HEATR4: variants seen among roughly 807,000 people sequenced by gnomAD.
The protein encoded by HEATR4 is HEAT repeat containing 4.
A neutral mutation model predicts 108.8 loss-of-function variants in HEATR4; 95 were observed. That is an observed-to-expected ratio of 0.87 (90% CI 0.74 to 1.04). The LOEUF is 1.04. Among genes scored for constraint, HEATR4 ranks in the 50% least tolerant of loss-of-function variants. The pLI is 0.00. For synonymous variants in HEATR4, 443 were observed against 459.4 expected, an observed-to-expected ratio of 0.96 and a Z score of 0.46; for missense variants, 1,152 against 1,253.8, an observed-to-expected ratio of 0.92 and a Z score of 1.23.
At chr14:73,593,921 T>G in the HEATR4 span, 1 of 1,593,024 alleles carries the variant, frequency 6.3e-7, no homozygotes, top group Non-Finnish European at 8.6e-7. Flanking sequence ...CTCATGTCCT[T>G]TATTTAATCA....
chr14:73,498,437 C>G, intron 13 of HEATR4, 93 bp from the exon 14 acceptor site: 1 of 1,100,886 alleles, frequency 9.1e-7, no homozygotes, highest in Non-Finnish European at 1.3e-6. Context: ...CAATACCTTC[C>G]CTTTTGGATG....
chr14:73,484,798 A>G (rs371802179), intron 17 of HEATR4, among the ~76,000 whole-genome samples: 50 of 151,952 alleles, frequency 3.3e-4, no homozygotes, highest in African/African-American at 1.2e-3. Flanking sequence ...CCAGATATTC[A>G]ACTATGCAGG....
At chr14:73,491,163 G>C in intron 17 of HEATR4, 4 of 1,603,704 alleles carry the variant, frequency 2.5e-6, no homozygotes, top group Non-Finnish European at 3.4e-6. Flanking sequence ...GTTGTATCCC[G>C]CATGGCAGCG....
At chr14:73,596,188 A>G in the HEATR4 span, 2 of 152,366 alleles carry the variant, frequency 1.3e-5, no homozygotes, top group Non-Finnish European at 2.9e-5. Flanking sequence ...ACTACGATCT[A>G]TTTTCCCTCT....
At chr14:73,586,059 T>G in the HEATR4 span, among the ~76,000 whole-genome samples, 1 of 150,902 alleles carries the variant, frequency 6.6e-6, no homozygotes, top group Middle Eastern at 3.2e-3. Context: ...ACCAGTATGA[T>G]TTCTTTTCTT....
At chr14:73,590,566 G>C in the HEATR4 span, among the ~76,000 whole-genome samples, 5 of 152,352 alleles carry the variant, frequency 3.3e-5, no homozygotes, top group East Asian at 9.7e-4. Context: ...CCGCGCAGAA[G>C]CTCACGGCGG....
chr14:73,513,497 G>C (rs548732202), intron 6 of HEATR4, among the ~76,000 whole-genome samples: 5 of 151,402 alleles, frequency 3.3e-5, no homozygotes, highest in Non-Finnish European at 7.4e-5. Flanking sequence ...TGGCCAAGGC[G>C]GGCAGATCAC....
chr14:73,509,510 C>G (rs779582316), intron 7 of HEATR4, 37 bp from the exon 8 acceptor site: 2 of 1,605,342 alleles, frequency 1.2e-6, no homozygotes, highest in African/African-American at 2.7e-5. Context: ...AGTACTAGCC[C>G]CTTTGCTTTT....
chr14:73,527,987 G>A (rs1425544121), intron 2 of HEATR4, among the ~76,000 whole-genome samples: 1 of 141,080 alleles, frequency 7.1e-6, no homozygotes, highest in Non-Finnish European at 1.5e-5. Flanking sequence ...AAAAAAAAAG[G>A]AGTGATTTAG....
At position 73,522,478 on chromosome 14, in the gene HEATR4, C is replaced by G; in HGVS notation, c.675G>C (p.Arg225Ser). Reference protein sequence around the residue: ...ARWIQSKRPRRPGASPNKWQS... With the variant: ...ARWIQSKRPRSPGASPNKWQS... ...GCCACTTGTTGGGGGATGCCCCAGG[C>G]CTTCGAGGACGCTTGCTCTGGATCC... Residue 225 changes from arginine (R) to serine (S), a missense_variant, in exon 3 of 18, where the codon AGG becomes AGC. By Grantham distance (110) the Arg-to-Ser change is moderately radical (BLOSUM62 -1). Coordinates refer to ENST00000553558, the MANE Select transcript of HEATR4 (RefSeq NM_001220484.1). The G allele has an allele frequency of 3.1e-6, 5 of 1,614,230 alleles. No individual in the cohort carries two copies. The highest frequency in any genetic ancestry group is 3.4e-6 in the Non-Finnish European group (4 of 1,180,038).
At position 73,522,321 on chromosome 14, in the gene HEATR4, G is replaced by T. The variant is rs1233717986; in HGVS notation, c.832C>A (p.Pro278Thr). 1 of 1,614,218 alleles carries T rather than the reference G, an allele frequency of 6.2e-7. No individual in the cohort carries two copies. Among genetic ancestry groups the T allele is most frequent in the Non-Finnish European group, 8.5e-7 (1 of 1,180,036 alleles). ...TCTGGCTTCTTCTTTTCCTGTGGGG[G>T]CAGGATGACACTTTGATCCTCAAAC... ...AEFEDQSVIL[P>T]PQEKKKPELL... is the part of the protein sequence containing the mutation. The change falls in exon 3 of 18, where the codon CCC becomes ACC. Residue 278 changes from proline to threonine, a missense_variant. Transcript: ENST00000553558.
chr14:73,487,170 C>A (rs2108550), intron 17 of HEATR4, among the ~76,000 whole-genome samples: 3 of 104,324 alleles, frequency 2.9e-5, no homozygotes, highest in South Asian at 3.6e-4. Flanking sequence ...AAAGGGAATT[C>A]TATTGATTCA....
the HEATR4 span, among the ~76,000 whole-genome samples, chr14:73,600,472 A>G: frequency 1.4e-3 from 208 of 151,306 alleles, no homozygotes; most frequent in African/African-American, 4.8e-3. Context: ...TTTTTCCAAG[A>G]CGGAGTTTTG....
At chr14:73,560,979 A>C (rs1000755543), upstream of HEATR4, among the ~76,000 whole-genome samples, 1 of 152,140 alleles carries the variant, frequency 6.6e-6, no homozygotes, top group African/African-American at 2.4e-5. Flanking sequence ...CACAATAGCC[A>C]AACGGTGGAA....
intron 14 of HEATR4, among the ~76,000 whole-genome samples, chr14:73,496,911 A>G (rs1384262332): frequency 6.6e-6 from 1 of 152,184 alleles, no homozygotes; most frequent in Non-Finnish European, 1.5e-5. Context: ...TTTTTGCGAG[A>G]TGGAGTCTTG....
intron 16 of HEATR4, 94 bp from the exon 17 acceptor site, chr14:73,493,218 C>A: frequency 9.9e-7 from 1 of 1,007,560 alleles, no homozygotes; most frequent in Non-Finnish European, 1.6e-6. Flanking sequence ...CTTCAGGCTT[C>A]AGTGTACTGG....
At chr14:73,573,293 C>T in the HEATR4 span, 2 of 1,565,838 alleles carry the variant, frequency 1.3e-6, no homozygotes, top group East Asian at 4.5e-5. Context: ...AGTGGGATTG[C>T]TGGGTCACAT....
chr14:73,504,830 C>T (rs77420933), intron 10 of HEATR4, among the ~76,000 whole-genome samples: 15,368 of 152,192 alleles, frequency 0.1, 1,156 homozygotes, highest in Non-Finnish European at 0.15. Context: ...GGAAAGCTCC[C>T]ATTTGGACAG....
intron 3 of HEATR4, 29 bp from the exon 4 acceptor site, chr14:73,521,068 G>A (rs771188654): frequency 4.4e-6 from 7 of 1,593,872 alleles, no homozygotes; most frequent in Admixed American, 1.7e-5. Context: ...GGAGGGAAAA[G>A]GGGGAAAGAG....
Sources: allele counts gnomAD v4.1 joint callset (sites outside exome capture counted in the v4.1 genomes callset), GRCh38; gene constraint gnomAD v4.1.1; transcripts MANE v1.5; gene names NCBI Gene and HGNC (gene_info 2026-07-23, HGNC 2026-07-21).